The following ANK1 variants were observed in gnomAD, a reference collection of about 807,000 sequenced individuals.
The protein encoded by ANK1 is ankyrin-1.
A neutral mutation model predicts 210.4 loss-of-function variants in ANK1; 51 were observed. The observed-to-expected ratio is 0.24, with a 90% CI of 0.19 to 0.31. ANK1 has a LOEUF of 0.31. Among genes scored for constraint, ANK1 ranks in the 10% least tolerant of loss-of-function variants. The pLI, the probability that ANK1 is intolerant of heterozygous loss-of-function variation, is 1.00. For missense variants in ANK1, 2,051 were observed against 2,504.4 expected (o/e 0.82, Z 3.86); for synonymous variants, 967 against 1,025.9 (o/e 0.94, Z 1.10).
At chr8:41,830,359 G>A (rs767173871) in intron 1 of ANK1, among the ~76,000 whole-genome samples, 12 of 149,794 alleles carry the variant, frequency 8.0e-5, no homozygotes, top group Non-Finnish European at 1.0e-4. Flanking sequence ...ATTTGTTCCC[G>A]AATGAGGCTT....
At chr8:41,683,118 G>A (rs1022633441) in intron 37 of ANK1, among the ~76,000 whole-genome samples, 4 of 145,798 alleles carry the variant, frequency 2.7e-5, no homozygotes, top group South Asian at 2.1e-4. Context: ...ACACACATAC[G>A]CACACACACA....
At chr8:41,682,904 G>A (rs1036006612) in intron 37 of ANK1, among the ~76,000 whole-genome samples, 2 of 152,142 alleles carry the variant, frequency 1.3e-5, no homozygotes, top group African/African-American at 2.4e-5. Flanking sequence ...TCCCTCAACC[G>A]CCCTCAGCCC....
At chr8:41,751,056 G>A (rs1186047674) in intron 2 of ANK1, among the ~76,000 whole-genome samples, 1 of 152,156 alleles carries the variant, frequency 6.6e-6, no homozygotes, top group Non-Finnish European at 1.5e-5. Flanking sequence ...GGGGACACAG[G>A]CCGGCACTGC....
At chr8:41,890,587 T>A (rs2150837309) in intron 1 of ANK1, among the ~76,000 whole-genome samples, 1 of 151,826 alleles carries the variant, frequency 6.6e-6, no homozygotes, top group African/African-American at 2.4e-5. Flanking sequence ...CACGCGCCTG[T>A]AGTCCCAGCT....
chr8:41,864,965 T>C (rs1587500596), intron 1 of ANK1, among the ~76,000 whole-genome samples: 1 of 152,172 alleles, frequency 6.6e-6, no homozygotes, highest in East Asian at 1.9e-4. Context: ...AGATCACACA[T>C]GGCAAGAGGG....
intron 1 of ANK1, among the ~76,000 whole-genome samples, chr8:41,775,981 G>A (rs934293979): frequency 1.6e-4 from 25 of 152,128 alleles, no homozygotes; most frequent in African/African-American, 5.6e-4. Flanking sequence ...ACCACCCTAC[G>A]AGTTAACAGC....
In ANK1 at chr8:41,655,443, T is replaced by A. The variant is rs1287219875; in HGVS notation, c.*347A>T. On this transcript the variant is annotated 3_prime_UTR_variant, in exon 43 of 43. Coordinates refer to ENST00000289734, the MANE Select transcript of ANK1 (RefSeq NM_000037.4). ...ACCCATCCCCAGCCACAAAAAGCCC[T>A]CATTCACTTTTGCGTTCGCAGGCTC... The A allele has an allele frequency of 1.0e-5, 4 of 387,720 alleles. No homozygotes were observed. The highest frequency in any genetic ancestry group is 8.2e-5 in the African/African-American group (4 of 48,700). The allele number at this position is 387,720 out of a possible 1,614,324, so 24.0% of individuals were successfully genotyped here. A position where few individuals can be genotyped will look rare whatever the true frequency, so the allele number is the denominator to read the frequency against.
chr8:41,792,406 A>G (rs1847928762), intron 1 of ANK1, among the ~76,000 whole-genome samples: 1 of 152,192 alleles, frequency 6.6e-6, no homozygotes, highest in Non-Finnish European at 1.5e-5. Flanking sequence ...TCCCGACATC[A>G]ATTGGCCCAA....
intron 2 of ANK1, among the ~76,000 whole-genome samples, chr8:41,746,290 A>G (rs752894573): frequency 1.3e-5 from 2 of 152,220 alleles, no homozygotes; most frequent in Non-Finnish European, 2.9e-5. Context: ...GAAGCCAGGC[A>G]GAGCTGAAGC....
intron 1 of ANK1, among the ~76,000 whole-genome samples, chr8:41,847,472 G>A (rs1810281384): frequency 6.6e-6 from 1 of 152,200 alleles, no homozygotes; most frequent in African/African-American, 2.4e-5. Context: ...ACGCAGGTAA[G>A]CATCCACGAG....
intron 1 of ANK1, among the ~76,000 whole-genome samples, chr8:41,795,363 T>C (rs1247949816): frequency 1.3e-5 from 2 of 151,758 alleles, no homozygotes; most frequent in Non-Finnish European, 2.9e-5. Context: ...ACAAAAATTA[T>C]CCAAGCATGG....
At position 41,803,085 on chromosome 8, in the gene ANK1, G is replaced by GAAGGAAAGGA. The variant is rs199946467; in HGVS notation, c.127-44958_127-44949dup. 3.0e-3 allele frequency among the ~76,000 whole-genome samples: 181 copies of GAAGGAAAGGA among 59,974 alleles called. 4 individuals carry two copies. Among genetic ancestry groups the GAAGGAAAGGA allele is most frequent in the South Asian group, 5.0e-3 (7 of 1,400 alleles). 39.3% of individuals were successfully genotyped at this position (59,974 alleles called of 152,430 possible). On this transcript the variant is annotated intron_variant, in intron 1 of 42. Coordinates refer to the ANK1 transcript ENST00000265709. Reference sequence around the variant, plus strand: ...AAAGGAAGGAAGGAAGGAAGGAAGGGAAGGAAAGGAAAGGAAAGGAAAGGA... The same window carrying GAAGGAAAGGA: ...AAAGGAAGGAAGGAAGGAAGGAAGGGAAGGAAAGGAAAGGAAAGGAAAGGAAAGGAAAGGA...
At position 41,699,518 on chromosome 8, in the gene ANK1, C is replaced by T; in HGVS notation, c.2492G>A (p.Arg831Lys). Reference sequence around the variant, plus strand: ...TTCATCAACATCCCTGGAATCCCGCCTCTCAGCCTTGAAGCTGATGAGTTC... The same window carrying T: ...TTCATCAACATCCCTGGAATCCCGCTTCTCAGCCTTGAAGCTGATGAGTTC... ...GEELISFKAE[R>K]RDSRDVDEEK... The change falls in exon 23 of 43, where the codon AGG becomes AAG. Residue 831 changes from arginine to lysine, a missense_variant. Coordinates refer to ENST00000289734, the MANE Select transcript of ANK1 (RefSeq NM_000037.4). The T allele has an allele frequency of 6.2e-7, 1 of 1,614,206 alleles. No homozygotes were observed.
At chr8:41,743,085 T>C (rs1156780596) in intron 2 of ANK1, among the ~76,000 whole-genome samples, 1 of 152,200 alleles carries the variant, frequency 6.6e-6, no homozygotes, top group Non-Finnish European at 1.5e-5. Context: ...TTTGCTCTAT[T>C]ATTGGTCCTT....
At chr8:41,709,912 G>A (rs973978084) in intron 16 of ANK1, among the ~76,000 whole-genome samples, 1 of 152,164 alleles carries the variant, frequency 6.6e-6, no homozygotes, top group Non-Finnish European at 1.5e-5. Flanking sequence ...CTGGAGCAGA[G>A]TAAGACCCTG....
chr8:41,696,662 C>A lies in ANK1; in HGVS notation c.2735+14G>T, dbSNP rs775323741. 6.9e-6 allele frequency: 11 copies of A among 1,604,668 alleles called. No homozygotes were observed. Among genetic ancestry groups the A allele is most frequent in the South Asian group, 1.1e-5 (1 of 91,058 alleles). On this transcript the variant is annotated intron_variant, in intron 25 of 42. Transcript: ENST00000289734. ...TGGAGACAGGAGTCCCCGAGCCCTG[C>A]GCCCGCCACTCACCCTGTATGCACC... is the stretch of plus-strand genomic sequence containing the variant.
At chr8:41,884,223 C>T (rs545652376) in intron 1 of ANK1, among the ~76,000 whole-genome samples, 102 of 152,264 alleles carry the variant, frequency 6.7e-4, no homozygotes, top group African/African-American at 2.3e-3. Flanking sequence ...TGGCATGTGC[C>T]TGTAATCCCA....
intron 1 of ANK1, among the ~76,000 whole-genome samples, chr8:41,793,104 C>T (rs113266963): frequency 0.012 from 1,751 of 152,256 alleles, 17 homozygotes; most frequent in Non-Finnish European, 0.018. Flanking sequence ...GGGCCGAGTG[C>T]GGTGGCTCAT....
chr8:41,678,482 G>A (rs1814922898), intron 37 of ANK1, among the ~76,000 whole-genome samples: 1 of 152,098 alleles, frequency 6.6e-6, no homozygotes, highest in Non-Finnish European at 1.5e-5. Context: ...CTTTTCTGTT[G>A]GGAACTGTAA....
Sources: allele counts gnomAD v4.1 joint callset (sites outside exome capture counted in the v4.1 genomes callset), GRCh38; gene constraint gnomAD v4.1.1; transcripts MANE v1.5; gene names NCBI Gene and HGNC (gene_info 2026-07-23, HGNC 2026-07-21).